PLCG2: variants seen among roughly 807,000 people sequenced by gnomAD.
PLCG2 encodes phospholipase C gamma 2, also known as 1-phosphatidylinositol 4,5-bisphosphate phosphodiesterase gamma-2.
Under a neutral mutation model 175.6 loss-of-function variants are expected in PLCG2, and 69 were observed. That is an observed-to-expected ratio of 0.39 (90% confidence interval 0.32 to 0.48). The LOEUF is 0.48. Ranked by LOEUF, PLCG2 falls within the 20% of genes least tolerant of loss-of-function variation. PLCG2 has a pLI of 0.91. For missense variants in PLCG2, 1,798 were observed against 1,650.9 expected, an observed-to-expected ratio of 1.09 and a Z score of -1.54; for synonymous variants, 827 against 624.0, an observed-to-expected ratio of 1.33 and a Z score of -4.85.
At chr16:81,948,212 GT>G (rs1480824875) in intron 31 of PLCG2, among the ~76,000 whole-genome samples, 4 of 152,170 alleles carry the variant, frequency 2.6e-5, no homozygotes, top group African/African-American at 9.7e-5. Flanking sequence ...ATGTCAAATT[GT>G]TCTCTGCAAG....
chr16:81,746,848 T>C (rs1326433818), intron 1 of PLCG2, among the ~76,000 whole-genome samples: 1 of 152,198 alleles, frequency 6.6e-6, no homozygotes, highest in Non-Finnish European at 1.5e-5. Flanking sequence ...AGCAAACAGA[T>C]GTGCTTTGTA....
chr16:81,751,531 G>GT (rs1378904337), intron 1 of PLCG2, among the ~76,000 whole-genome samples: 5 of 151,820 alleles, frequency 3.3e-5, no homozygotes, highest in South Asian at 2.1e-4. Context: ...AGGAATATGG[G>GT]TTTTTTTTGA....
At chr16:81,946,316 G>A (rs1451104686) in intron 31 of PLCG2, 53 bp downstream of exon 31, 24 of 1,302,486 alleles carry the variant, frequency 1.8e-5, no homozygotes, top group East Asian at 4.6e-5. Flanking sequence ...TGCTGGTGAG[G>A]GTAGAAACGG....
intron 2 of PLCG2, among the ~76,000 whole-genome samples, chr16:81,821,455 C>A (rs1904795784): frequency 6.6e-6 from 1 of 151,852 alleles, no homozygotes; most frequent in African/African-American, 2.4e-5. Context: ...GTGGCTGTTG[C>A]CTTCCTCGAG....
intron 2 of PLCG2, among the ~76,000 whole-genome samples, chr16:81,761,086 A>G (rs1910032378): frequency 6.6e-6 from 1 of 152,096 alleles, no homozygotes; most frequent in African/African-American, 2.4e-5. Flanking sequence ...TTGTAGTAAC[A>G]AGGTTTCACT....
At position 81,919,817 on chromosome 16, in the gene PLCG2, C is replaced by A. The variant is rs141286650; in HGVS notation, c.2235+153C>A. 4.6e-5 allele frequency among the ~76,000 whole-genome samples: 7 copies of A among 152,254 alleles called. No individual in the cohort carries two copies. In the East Asian group the frequency reaches 1.4e-3, roughly 29 times the overall value. On this transcript the variant is annotated intron_variant, in intron 20 of 32. Transcript: ENST00000564138. ...CAAATTGAGCACAACAAAGACCCTG[C>A]CGTTGTGCTGCTTATAGTGTAGTGT...
chr16:81,779,927 A>C (rs559814609), intron 1 of PLCG2, among the ~76,000 whole-genome samples: 1 of 151,856 alleles, frequency 6.6e-6, no homozygotes, highest in Non-Finnish European at 1.5e-5. Flanking sequence ...CTTGCAGGAC[A>C]CTCGCGATGC....
chr16:81,930,417 C>G (rs1910451654), intron 24 of PLCG2, among the ~76,000 whole-genome samples: 1 of 152,138 alleles, frequency 6.6e-6, no homozygotes, highest in South Asian at 2.1e-4. Flanking sequence ...CCACATTTGC[C>G]TGCACATGGC....
intron 5 of PLCG2, among the ~76,000 whole-genome samples, chr16:81,867,164 T>G (rs781397913): frequency 6.6e-6 from 1 of 152,312 alleles, no homozygotes; most frequent in Admixed American, 6.5e-5. Flanking sequence ...CTGGACCGTC[T>G]CCAGGGCAGC....
intron 2 of PLCG2, among the ~76,000 whole-genome samples, chr16:81,833,836 C>T (rs904283486): frequency 1.3e-5 from 2 of 152,162 alleles, no homozygotes; most frequent in African/African-American, 4.8e-5. Context: ...GCATGAGCCA[C>T]GGCGCCCGGC....
chr16:81,783,413 G>A (rs1019947602), intron 1 of PLCG2, among the ~76,000 whole-genome samples: 2 of 152,104 alleles, frequency 1.3e-5, no homozygotes, highest in East Asian at 1.9e-4. Context: ...CCATTAACTC[G>A]TTTTGCTACT....
At chr16:81,778,046 A>ACAAAC (rs1567457806), upstream of PLCG2, among the ~76,000 whole-genome samples, 12 of 89,322 alleles carry the variant, frequency 1.3e-4, no homozygotes, top group Admixed American at 9.8e-4. Context: ...AAAAAAACAA[A>ACAAAC]AAAAAAAACA....
At chr16:81,762,025 G>T (rs983693840) in intron 2 of PLCG2, among the ~76,000 whole-genome samples, 1 of 151,552 alleles carries the variant, frequency 6.6e-6, no homozygotes, top group Non-Finnish European at 1.5e-5. Flanking sequence ...TAGAGATGGG[G>T]TTTCCCTATG....
intron 2 of PLCG2, among the ~76,000 whole-genome samples, chr16:81,765,314 C>T (rs866511640): frequency 1.4e-3 from 207 of 151,218 alleles, no homozygotes; most frequent in Non-Finnish European, 2.2e-3. Context: ...ATGGGACAAT[C>T]TCCCGCAGAG....
intron 2 of PLCG2, among the ~76,000 whole-genome samples, chr16:81,834,200 T>C (rs67283254): frequency 0.13 from 19,109 of 152,070 alleles, 1,271 homozygotes; most frequent in Middle Eastern, 0.22. Flanking sequence ...CCAAGATTGG[T>C]GGGAGGATTA....
At chr16:81,865,851 A>G (rs1223951692) in intron 5 of PLCG2, among the ~76,000 whole-genome samples, 14 of 105,208 alleles carry the variant, frequency 1.3e-4, no homozygotes, top group African/African-American at 2.7e-4. Context: ...TCCCAGGGTG[A>G]GCTCCAACTG....
At chr16:81,886,010 G>T (rs1345295150) in intron 9 of PLCG2, among the ~76,000 whole-genome samples, 1 of 152,230 alleles carries the variant, frequency 6.6e-6, no homozygotes, top group Non-Finnish European at 1.5e-5. Flanking sequence ...GCTGGTGCTA[G>T]AGTGAGGTAG....
In PLCG2 at chr16:81,843,858, C is replaced by T. The variant is rs535356782; in HGVS notation, c.194-10586C>T. 5.9e-5 allele frequency among the ~76,000 whole-genome samples: 9 copies of T among 152,340 alleles called. No individual in the cohort carries two copies. The South Asian group carries it at 6.2e-4, about 11-fold the overall frequency. ...GGGCAGGATGCCGGGTTTGATGTGC[C>T]GTTGGTTGTGTGTCTAACTGCTTCT... is the stretch of plus-strand genomic sequence containing the variant. On this transcript the variant is annotated intron_variant, in intron 2 of 32. Coordinates refer to ENST00000564138, the MANE Select transcript of PLCG2 (RefSeq NM_002661.5).
chr16:81,771,657 G>A (rs893875586), intron 2 of PLCG2, among the ~76,000 whole-genome samples: 1 of 151,930 alleles, frequency 6.6e-6, no homozygotes, highest in African/African-American at 2.4e-5. Flanking sequence ...AGGGTACAGT[G>A]GGTTGAATTG....
Sources: allele counts gnomAD v4.1 joint callset (sites outside exome capture counted in the v4.1 genomes callset), GRCh38; gene constraint gnomAD v4.1.1; transcripts MANE v1.5; gene names NCBI Gene and HGNC (gene_info 2026-07-23, HGNC 2026-07-21).